The following UBR1 variants were observed in gnomAD, a reference collection of about 807,000 sequenced individuals.
The protein encoded by UBR1 is E3 ubiquitin-protein ligase UBR1.
Under a neutral mutation model 242.1 loss-of-function variants are expected in UBR1, and 102 were observed. The ratio of observed to expected loss-of-function variants is 0.42; its 90% confidence interval spans 0.36 to 0.50. The LOEUF is 0.50. Among genes scored for constraint, UBR1 ranks in the 20% least tolerant of loss-of-function variants. The probability of loss-of-function intolerance (pLI) is 0.01; values close to 1 mark genes in which losing one functional copy is unlikely to be tolerated. For synonymous variants in UBR1, 675 were observed against 684.8 expected, an observed-to-expected ratio of 0.99 and a Z score of 0.22; for missense variants, 1,772 against 2,101.8, an observed-to-expected ratio of 0.84 and a Z score of 3.07.
intron 39 of UBR1, among the ~76,000 whole-genome samples, chr15:42,971,799 C>A (rs2032211097): frequency 6.6e-6 from 1 of 152,108 alleles, no homozygotes; most frequent in South Asian, 2.1e-4. Context: ...AGTGCTCTAT[C>A]TGATGATGAG....
At chr15:42,997,728 C>T (rs2032661847) in intron 33 of UBR1, among the ~76,000 whole-genome samples, 1 of 152,174 alleles carries the variant, frequency 6.6e-6, no homozygotes, top group South Asian at 2.1e-4. Context: ...GACTATTCTA[C>T]TTTACATATA....
chr15:43,091,949 GGTGGCACATACCT>G (rs1567150460), intron 1 of UBR1: 1 of 416,472 alleles, frequency 2.4e-6, no homozygotes, highest in East Asian at 7.6e-5. Flanking sequence ...AGCCAGATGC[GGTGGCACATACCT>G]GTGGTCCCAG....
At chr15:43,000,080 T>G (rs1451068518) in intron 32 of UBR1, among the ~76,000 whole-genome samples, 1 of 152,210 alleles carries the variant, frequency 6.6e-6, no homozygotes, top group Admixed American at 6.5e-5. Flanking sequence ...ATTATACATT[T>G]TTAATCAAAA....
chr15:43,010,326 G>GA (rs757798731), intron 29 of UBR1, among the ~76,000 whole-genome samples: 59 of 141,726 alleles, frequency 4.2e-4, no homozygotes, highest in Admixed American at 4.2e-4. Flanking sequence ...AGTACTACAT[G>GA]AAAAAAAAAA....
chr15:43,089,217 G>A (rs2034078128), intron 1 of UBR1, among the ~76,000 whole-genome samples: 1 of 137,934 alleles, frequency 7.2e-6, no homozygotes, highest in African/African-American at 2.7e-5. Flanking sequence ...TGCTGGCTGG[G>A]TGAGGTGGCT....
intron 37 of UBR1, among the ~76,000 whole-genome samples, chr15:42,979,697 C>A (rs2032346298): frequency 6.6e-6 from 1 of 152,090 alleles, no homozygotes; most frequent in Non-Finnish European, 1.5e-5. Flanking sequence ...ATTACAGGCA[C>A]CTGCCACAAT....
At chr15:43,077,665 G>GAAAAAAAAAAAAA (rs1180854436) in intron 3 of UBR1, among the ~76,000 whole-genome samples, 2 of 126,860 alleles carry the variant, frequency 1.6e-5, no homozygotes, top group East Asian at 2.2e-4. Flanking sequence ...AAAAATCTGA[G>GAAAAAAAAAAAAA]AAAAAAAAAA....
chr15:42,953,348 C>T (rs557149534), intron 44 of UBR1, among the ~76,000 whole-genome samples: 8 of 152,156 alleles, frequency 5.3e-5, no homozygotes, highest in South Asian at 4.2e-4. Flanking sequence ...TAAATGCAAC[C>T]GAAGGAGAGA....
At chr15:42,967,729 CTT>C (rs1198800002) in intron 40 of UBR1, among the ~76,000 whole-genome samples, 3 of 151,486 alleles carry the variant, frequency 2.0e-5, no homozygotes, top group South Asian at 4.2e-4. Flanking sequence ...AATGGCGACT[CTT>C]TATACTTTCT....
intron 15 of UBR1, among the ~76,000 whole-genome samples, chr15:43,042,680 T>A (rs1012794458): frequency 5.3e-5 from 8 of 152,208 alleles, no homozygotes; most frequent in Admixed American, 1.3e-4. Flanking sequence ...CACTGAACTG[T>A]ACACTTAAAA....
chr15:43,030,726 C>T (rs533470825), intron 20 of UBR1, among the ~76,000 whole-genome samples: 1 of 152,092 alleles, frequency 6.6e-6, no homozygotes, highest in African/African-American at 2.4e-5. Context: ...ATTCCGATTG[C>T]CTTAAGAAGG....
chr15:43,049,750 A>G (rs2033530763), intron 12 of UBR1, among the ~76,000 whole-genome samples: 1 of 152,208 alleles, frequency 6.6e-6, no homozygotes, highest in African/African-American at 2.4e-5. Flanking sequence ...TACCATCTAA[A>G]TCTTTCTTTT....
rs1399356759 is a variant in UBR1 at position 42,942,917 on chromosome 15, CAT to C, written c.*2410_*2411del. 6.6e-6 allele frequency: 1 copy of C among 152,524 alleles called. No homozygotes were observed. The highest frequency in any genetic ancestry group is 1.5e-5 in the Non-Finnish European group (1 of 68,022). The allele number at this position is 152,524 out of a possible 1,614,324, so 9.4% of individuals were successfully genotyped here. On this transcript the variant is annotated 3_prime_UTR_variant, in exon 47 of 47. Coordinates refer to ENST00000290650, the MANE Select transcript of UBR1 (RefSeq NM_174916.3). ...CCCTATTTTTCTTTTTAAATATACA[CAT>C]ATATTTTATTTTAAAAAGCACAAGA...
At position 43,025,344 on chromosome 15, in the gene UBR1, T is replaced by C. The variant is rs772749770; in HGVS notation, c.2584+37A>G. 3.8e-6 allele frequency: 6 copies of C among 1,585,792 alleles called. No individual in the cohort carries two copies. The South Asian group carries it at 4.5e-5, about 12-fold the overall frequency. On this transcript the variant is annotated intron_variant, in intron 24 of 46. Transcript: ENST00000290650. Reference sequence around the variant, plus strand: ...TTTGCTGATGTGAAACCACAGAAAATAGTCAAAATGAGTCAATTCAGAATC... The same window carrying C: ...TTTGCTGATGTGAAACCACAGAAAACAGTCAAAATGAGTCAATTCAGAATC...
At chr15:43,059,975 T>C in intron 7 of UBR1, 77 bp downstream of exon 7, 1 of 1,573,102 alleles carries the variant, frequency 6.4e-7, no homozygotes, top group Non-Finnish European at 8.8e-7. Flanking sequence ...ACATCATCAC[T>C]CAAATTATTC....
At chr15:43,044,364 G>A (rs1002618645) in intron 14 of UBR1, among the ~76,000 whole-genome samples, 3 of 152,212 alleles carry the variant, frequency 2.0e-5, no homozygotes, top group Admixed American at 1.3e-4. Flanking sequence ...CTGAACTAGG[G>A]TGGGGCCATC....
chr15:42,950,440 G>C, intron 45 of UBR1, 77 bp from the exon 46 acceptor site: 1 of 1,260,228 alleles, frequency 7.9e-7, no homozygotes, highest in Non-Finnish European at 1.2e-6. Flanking sequence ...TGTTAACCTA[G>C]AGAAAAGACG....
At chr15:43,093,357 A>C (rs1177317749) in intron 1 of UBR1, among the ~76,000 whole-genome samples, 1 of 152,220 alleles carries the variant, frequency 6.6e-6, no homozygotes, top group Non-Finnish European at 1.5e-5. Flanking sequence ...TTCTTTTTAA[A>C]GTGGTAACAA....
intron 40 of UBR1, among the ~76,000 whole-genome samples, chr15:42,969,407 T>C (rs986950317): frequency 6.6e-6 from 1 of 152,230 alleles, no homozygotes; most frequent in Non-Finnish European, 1.5e-5. Flanking sequence ...TTGTAGATTC[T>C]GGATATTAGC....
Sources: allele counts gnomAD v4.1 joint callset (sites outside exome capture counted in the v4.1 genomes callset), GRCh38; gene constraint gnomAD v4.1.1; transcripts MANE v1.5; gene names NCBI Gene and HGNC (gene_info 2026-07-23, HGNC 2026-07-21).